IL4R: variants seen among roughly 807,000 people sequenced by gnomAD.
IL4R encodes interleukin-4 receptor subunit alpha.
IL4R carries 17 observed loss-of-function variants against 41.5 expected under a neutral mutation model. That is an observed-to-expected ratio of 0.41 (90% CI 0.28 to 0.61). IL4R has a LOEUF of 0.61. IL4R is among the 20% of genes least tolerant of loss of function. The probability of loss-of-function intolerance (pLI) is 0.31; values close to 1 mark genes in which losing one functional copy is unlikely to be tolerated. For missense variants in IL4R, 974 were observed against 1,043.1 expected (o/e 0.93, Z 0.91); for synonymous variants, 402 against 422.9 (o/e 0.95, Z 0.61).
chr16:27,357,155 C>A (rs1435115888), intron 8 of IL4R, among the ~76,000 whole-genome samples: 3 of 152,182 alleles, frequency 2.0e-5, no homozygotes, highest in African/African-American at 7.2e-5. Context: ...ACTGATGCCT[C>A]CGAGCAACCT....
At chr16:27,359,615 G>C (rs557498817) in intron 9 of IL4R, among the ~76,000 whole-genome samples, 6 of 17,582 alleles carry the variant, frequency 3.4e-4, no homozygotes, top group African/African-American at 4.0e-4. Flanking sequence ...GAATCTAGTG[G>C]TGTTGGCTTT....
At chr16:27,341,314 G>T in intron 3 of IL4R, 3 of 608,970 alleles carry the variant, frequency 4.9e-6, no homozygotes, top group Non-Finnish European at 8.8e-6. Flanking sequence ...AGAAGAGAAG[G>T]TACTTTGGGG....
At chr16:27,357,556 C>G (rs759448182) in intron 8 of IL4R, among the ~76,000 whole-genome samples, 2 of 152,124 alleles carry the variant, frequency 1.3e-5, no homozygotes, top group African/African-American at 4.8e-5. Context: ...CTCTGCCTCC[C>G]GGGTTCAAGC....
chr16:27,316,683 CGT>C (rs1028568810), intron 1 of IL4R, among the ~76,000 whole-genome samples: 2 of 152,190 alleles, frequency 1.3e-5, no homozygotes, highest in African/African-American at 4.8e-5. Flanking sequence ...CCTGTCAAAA[CGT>C]ATAGCTGGGG....
chr16:27,356,811 G>A (rs1049349681), intron 8 of IL4R, among the ~76,000 whole-genome samples: 8 of 152,200 alleles, frequency 5.3e-5, no homozygotes, highest in African/African-American at 1.9e-4. Context: ...TGAGCCTGGG[G>A]TTCCTGCTTT....
chr16:27,327,621 C>T (rs1365595332), intron 1 of IL4R, among the ~76,000 whole-genome samples: 3 of 152,040 alleles, frequency 2.0e-5, no homozygotes, highest in African/African-American at 7.2e-5. Context: ...GACAAAGTTC[C>T]AGGGTTTTGG....
At chr16:27,342,085 T>C (rs778990471) in intron 3 of IL4R, 36 bp from the exon 4 acceptor site, 7 of 1,610,400 alleles carry the variant, frequency 4.3e-6, no homozygotes, top group Non-Finnish European at 5.9e-6. Context: ...CGCATTGAGT[T>C]CCTGGGCCGC....
intron 3 of IL4R, 54 bp from the exon 4 acceptor site, chr16:27,342,067 C>A (rs1021620944): frequency 7.5e-6 from 12 of 1,594,040 alleles, no homozygotes; most frequent in South Asian, 1.1e-5. Context: ...GGGTGCAAGT[C>A]CCCCTCACGC....
rs1202642913 is a variant in IL4R at position 27,362,715 on chromosome 16, G to A, written c.1363G>A (p.Glu455Lys). Residue 455 changes from glutamate to lysine, a missense_variant, in exon 11 of 11, where the codon GAG becomes AAG. Around this residue, in one of 3 missense-constraint regions of IL4R, gnomAD observed 682 missense variants for 704.3 expected, o/e 0.97. Coordinates refer to ENST00000395762, the MANE Select transcript of IL4R (RefSeq NM_000418.4). Reference sequence around the variant, plus strand: ...TGAGTTCCCAAGTGCAGGGCCCAAGGAGGCACCTCCCTGGGGCAAGGAGCA... The same window carrying A: ...TGAGTTCCCAAGTGCAGGGCCCAAGAAGGCACCTCCCTGGGGCAAGGAGCA... ...WDEFPSAGPK[E>K]APPWGKEQPL... The A allele has an allele frequency of 1.1e-5, 17 of 1,614,122 alleles. No homozygotes were observed. The highest frequency in any genetic ancestry group is 2.2e-5 in the South Asian group (2 of 91,086).
chr16:27,315,263 A>C (rs1324904611), intron 1 of IL4R: 1 of 152,326 alleles, frequency 6.6e-6, no homozygotes, highest in Non-Finnish European at 1.5e-5. Context: ...TGTCCTGCAC[A>C]TTAGGGCATT....
At chr16:27,333,086 G>A (rs1567312571) in intron 2 of IL4R, among the ~76,000 whole-genome samples, 1 of 151,944 alleles carries the variant, frequency 6.6e-6, no homozygotes, top group South Asian at 2.1e-4. Context: ...GTCCCAGAAT[G>A]TGGTCTGTCT....
At chr16:27,356,206 C>T (rs3024639) in intron 8 of IL4R, among the ~76,000 whole-genome samples, 1,541 of 151,684 alleles carry the variant, frequency 0.01, 33 homozygotes, top group African/African-American at 0.036. Flanking sequence ...ATTCTTCTGC[C>T]TCAGCCTCCA....
intron 6 of IL4R, among the ~76,000 whole-genome samples, chr16:27,351,443 A>C (rs1043394883): frequency 6.6e-6 from 1 of 151,954 alleles, no homozygotes; most frequent in South Asian, 2.1e-4. Flanking sequence ...GATGTGATTC[A>C]AAGTGGGGAT....
Position 27,346,582 on chromosome 16 carries a change from T to C in IL4R, c.477T>C (p.Tyr159=). Residue 159 remains tyrosine (Y), a synonymous_variant, in exon 6 of 11, where the codon TAT becomes TAC. Transcript: ENST00000395762. ...PDNYLYNHLT[Y]AVNIWSENDP... ...ATTACCTGTATAATCATCTCACCTA[T>C]GCAGTCAACATTTGGAGTGAAAACG... 8 of 1,614,092 alleles carry C rather than the reference T, an allele frequency of 5.0e-6. No homozygotes were observed. Among genetic ancestry groups the C allele is most frequent in the Non-Finnish European group, 6.8e-6 (8 of 1,179,994 alleles).
At chr16:27,333,860 C>G (rs894751352) in intron 2 of IL4R, among the ~76,000 whole-genome samples, 4 of 150,920 alleles carry the variant, frequency 2.7e-5, no homozygotes, top group African/African-American at 9.8e-5. Context: ...CGCTGAGACC[C>G]CTTCCAACTC....
intron 4 of IL4R, among the ~76,000 whole-genome samples, chr16:27,343,020 T>C (rs1182169294): frequency 6.6e-6 from 1 of 152,038 alleles, no homozygotes. Context: ...GATTGAGGAG[T>C]ACGGTGTTGA....
chr16:27,352,430 A>C, intron 6 of IL4R, 110 bp from the exon 7 acceptor site: 1 of 831,634 alleles, frequency 1.2e-6, no homozygotes, highest in East Asian at 2.6e-5. Flanking sequence ...CCAAATACCC[A>C]GGCTGGTGGC....
chr16:27,342,244 T>A lies in IL4R; in HGVS notation c.194T>A (p.Val65Asp). Reference sequence around the variant, plus strand: ...GAGCTCCGCCTGTTGTACCAGCTGGTTTTTCTGCTCTCCGAGTAAGCCTGC... The same window carrying A: ...GAGCTCCGCCTGTTGTACCAGCTGGATTTTCTGCTCTCCGAGTAAGCCTGC... ...STELRLLYQL[V>D]FLLSEAHTCI... The change falls in exon 4 of 11, where the codon GTT (valine) becomes GAT (aspartate). Residue 65 changes from valine to aspartate, a missense_variant. Physicochemically the swap from Val to Asp is radical, Grantham distance 152. Transcript: ENST00000395762. 1 of 1,614,138 alleles carries A rather than the reference T, an allele frequency of 6.2e-7. No individual in the cohort carries two copies. The highest frequency in any genetic ancestry group is 8.5e-7 in the Non-Finnish European group (1 of 1,180,020).
At chr16:27,320,194 A>G (rs1038943983) in intron 1 of IL4R, among the ~76,000 whole-genome samples, 3 of 152,098 alleles carry the variant, frequency 2.0e-5, no homozygotes, top group Non-Finnish European at 4.4e-5. Context: ...ATGAGACTCT[A>G]ATGCCTGATG....
Sources: allele counts gnomAD v4.1 joint callset (sites outside exome capture counted in the v4.1 genomes callset), GRCh38; gene constraint gnomAD v4.1.1; regional missense constraint gnomAD v4.1.1; transcripts MANE v1.5; gene names NCBI Gene and HGNC (gene_info 2026-07-23, HGNC 2026-07-21).